CLMN: variants seen among roughly 807,000 people sequenced by gnomAD.
CLMN encodes the protein calmin.
CLMN carries 57 observed loss-of-function variants against 92.7 expected under a neutral mutation model. The ratio of observed to expected loss-of-function variants is 0.61; its 90% CI spans 0.50 to 0.77. The LOEUF (loss-of-function observed/expected upper bound fraction) is 0.77, where lower values mean the gene tolerates loss of function less well. Among genes scored for constraint, CLMN ranks in the 30% least tolerant of loss-of-function variants. CLMN has a pLI of 0.00. For synonymous variants in CLMN, 466 were observed against 470.6 expected (o/e 0.99, Z 0.13); for missense variants, 1,158 against 1,237.5 (o/e 0.94, Z 0.96).
chr14:95,236,240 C>T (rs902015823), intron 1 of CLMN, among the ~76,000 whole-genome samples: 1 of 152,222 alleles, frequency 6.6e-6, no homozygotes, highest in African/African-American at 2.4e-5. Flanking sequence ...GGCTGAGGTG[C>T]TGTGTGGTGC....
At chr14:95,216,898 TG>T (rs1472858109) in intron 4 of CLMN, among the ~76,000 whole-genome samples, 1 of 152,140 alleles carries the variant, frequency 6.6e-6, no homozygotes, top group African/African-American at 2.4e-5. Context: ...ACTCTGTGGG[TG>T]GGCCCAGAAA....
rs1271802533 is a variant in CLMN, at chr14:95,258,250, ATATG to A, written c.83-28121_83-28118del. Among the ~76,000 whole-genome samples the A allele has an allele frequency of 3.4e-5, 5 of 148,372 alleles. No individual in the cohort carries two copies. In the South Asian group the frequency reaches 8.5e-4, roughly 25 times the overall value. ...CATGGTGTGTACATATGTATGATGT[ATATG>A]TATGTATCTGTGACATGTGGGGGCG... On this transcript the variant is annotated intron_variant, in intron 1 of 12. Transcript: ENST00000298912.
intron 1 of CLMN, among the ~76,000 whole-genome samples, chr14:95,272,823 C>CATAT (rs1566907337): frequency 6.6e-6 from 1 of 152,148 alleles, no homozygotes. Flanking sequence ...CAAGGGAAAA[C>CATAT]GTTGGGGCCA....
chr14:95,271,204 A>T (rs558673623), intron 1 of CLMN, among the ~76,000 whole-genome samples: 1 of 152,366 alleles, frequency 6.6e-6, no homozygotes, highest in East Asian at 1.9e-4. Flanking sequence ...TTGTGGATAC[A>T]GTCCCTTATC....
intron 1 of CLMN, among the ~76,000 whole-genome samples, chr14:95,245,623 G>C (rs1368424818): frequency 1.1e-5 from 1 of 91,898 alleles, no homozygotes; most frequent in African/African-American, 6.7e-5. Flanking sequence ...TAGGTGGATG[G>C]GTGAGTGGGT....
chr14:95,319,122 G>C (rs1383535515), intron 1 of CLMN, among the ~76,000 whole-genome samples: 2 of 152,130 alleles, frequency 1.3e-5, no homozygotes, highest in Non-Finnish European at 2.9e-5. Context: ...TCCCCAGTTA[G>C]AGTCCTGATC....
intron 7 of CLMN, 79 bp from the exon 8 acceptor site, chr14:95,209,556 A>T (rs1294006428): frequency 9.1e-7 from 1 of 1,103,476 alleles, no homozygotes; most frequent in Non-Finnish European, 1.4e-6. Context: ...CCTGATGGTG[A>T]AGAATCCCAC....
chr14:95,286,383 G>T (rs1243198306), intron 1 of CLMN, among the ~76,000 whole-genome samples: 2 of 152,196 alleles, frequency 1.3e-5, no homozygotes, highest in Non-Finnish European at 2.9e-5. Context: ...CCAGGCACAG[G>T]TTACATATTA....
intron 1 of CLMN, among the ~76,000 whole-genome samples, chr14:95,305,454 T>C (rs1212963265): frequency 6.6e-6 from 1 of 152,032 alleles, no homozygotes; most frequent in Non-Finnish European, 1.5e-5. Context: ...TTCTCGCAAA[T>C]TAAAAATGTG....
At chr14:95,232,848 C>T (rs1897932632) in intron 1 of CLMN, among the ~76,000 whole-genome samples, 1 of 152,148 alleles carries the variant, frequency 6.6e-6, no homozygotes, top group Non-Finnish European at 1.5e-5. Context: ...TCTGGTTGTT[C>T]CCCCTGTGGA....
At chr14:95,219,517 A>G (rs11160235) in intron 4 of CLMN, among the ~76,000 whole-genome samples, 11,260 of 152,290 alleles carry the variant, frequency 0.074, 493 homozygotes, top group South Asian at 0.14. Flanking sequence ...TGGCTGGTGC[A>G]TGGCTAACCT....
At chr14:95,312,742 C>T (rs1901597152) in intron 1 of CLMN, among the ~76,000 whole-genome samples, 1 of 152,148 alleles carries the variant, frequency 6.6e-6, no homozygotes. Context: ...TAACAATGAC[C>T]AGGCAAGTGT....
intron 6 of CLMN, among the ~76,000 whole-genome samples, chr14:95,211,302 T>C (rs935625335): frequency 1.3e-5 from 2 of 152,230 alleles, no homozygotes; most frequent in Admixed American, 1.3e-4. Context: ...CCTACCTCTC[T>C]GAGCCTCAAA....
chr14:95,203,207 T>C lies in CLMN; in HGVS notation c.2142A>G (p.Pro714=). 1 of 1,613,080 alleles carries C rather than the reference T, an allele frequency of 6.2e-7. No individual in the cohort carries two copies. The highest frequency in any genetic ancestry group is 8.5e-7 in the Non-Finnish European group (1 of 1,179,914). The stretch of plus-strand genomic sequence containing the variant: ...GAATGACGGAAACCTTTGAGAGGGG[T>C]GGGGAGGGCTTGAAATCCAGGCCTT... ...SEEGLDFKPS[P]PLSKVSVIPH... The change falls in exon 9 of 13, where the codon CCA becomes CCG. Residue 714 remains proline (P), a synonymous_variant. Coordinates refer to ENST00000298912, the MANE Select transcript of CLMN (RefSeq NM_024734.4).
At chr14:95,295,462 A>G (rs1363858389) in intron 1 of CLMN, among the ~76,000 whole-genome samples, 1 of 152,322 alleles carries the variant, frequency 6.6e-6, no homozygotes, top group Non-Finnish European at 1.5e-5. Flanking sequence ...CTGTATGAAC[A>G]GGTGGCTGCT....
At chr14:95,273,017 G>A (rs371512703) in intron 1 of CLMN, among the ~76,000 whole-genome samples, 24 of 152,226 alleles carry the variant, frequency 1.6e-4, no homozygotes, top group African/African-American at 5.8e-4. Context: ...AGTCCTTAAT[G>A]AAATATTTTA....
Position 95,223,822 on chromosome 14 carries a change from C to T in CLMN, c.178G>A (p.Val60Ile), listed in dbSNP as rs149571917. The T allele has an allele frequency of 3.7e-5, 59 of 1,613,524 alleles. No homozygotes were observed. Among genetic ancestry groups the T allele is most frequent in the East Asian group, 6.7e-5 (3 of 44,864 alleles). ...AGGATTTTGCCATCTTGTATATCGA[C>T]GAATAAATCTTTAACTTCTAGAGGT... ...NPPLEVKDLF[V>I]DIQDGKILMA... The change falls in exon 3 of 13, where the codon GTC (valine) becomes ATC (isoleucine). Residue 60 changes from valine to isoleucine, a missense_variant. Coordinates refer to ENST00000298912, the MANE Select transcript of CLMN (RefSeq NM_024734.4).
intron 1 of CLMN, among the ~76,000 whole-genome samples, chr14:95,241,642 C>T (rs1485951574): frequency 6.6e-6 from 1 of 152,170 alleles, no homozygotes; most frequent in African/African-American, 2.4e-5. Flanking sequence ...GTGTCACCAA[C>T]ATTTTGTGTT....
intron 1 of CLMN, among the ~76,000 whole-genome samples, chr14:95,252,583 T>C (rs1898833467): frequency 6.6e-6 from 1 of 152,124 alleles, no homozygotes; most frequent in Non-Finnish European, 1.5e-5. Flanking sequence ...CGAAGGACCT[T>C]AGTGTGGGAA....
Sources: allele counts gnomAD v4.1 joint callset (sites outside exome capture counted in the v4.1 genomes callset), GRCh38; gene constraint gnomAD v4.1.1; transcripts MANE v1.5; gene names NCBI Gene and HGNC (gene_info 2026-07-23, HGNC 2026-07-21).